Variants in CCSER1 observed in about 807,000 individuals in gnomAD.
CCSER1 encodes the protein serine-rich coiled-coil domain-containing protein 1.
In CCSER1, 41 loss-of-function variants were observed where a neutral mutation model predicts 82.0. The observed-to-expected ratio is 0.50, with a 90% confidence interval of 0.39 to 0.65. The LOEUF (loss-of-function observed/expected upper bound fraction) is 0.65, where lower values mean the gene tolerates loss of function less well. Among genes scored for constraint, CCSER1 ranks in the 30% least tolerant of loss-of-function variants. CCSER1 has a pLI of 0.00. For missense variants in CCSER1, 1,119 were observed against 1,064.2 expected, an observed-to-expected ratio of 1.05 and a Z score of -0.72; for synonymous variants, 414 against 383.9, an observed-to-expected ratio of 1.08 and a Z score of -0.92.
chr4:90,727,218 T>C (rs539713073), intron 7 of CCSER1: 45 of 455,794 alleles, frequency 9.9e-5, no homozygotes, highest in African/African-American at 7.8e-4. Context: ...TTCAGCATTA[T>C]ATCAACTGTA....
At chr4:90,144,824 G>A (rs1220746292) in intron 1 of CCSER1, among the ~76,000 whole-genome samples, 1 of 151,980 alleles carries the variant, frequency 6.6e-6, no homozygotes, top group African/African-American at 2.4e-5. Context: ...CTCTTTGTGA[G>A]TTCAAATGCC....
intron 10 of CCSER1, among the ~76,000 whole-genome samples, chr4:91,333,634 T>C (rs1230368515): frequency 6.6e-6 from 1 of 152,076 alleles, no homozygotes; most frequent in African/African-American, 2.4e-5. Context: ...GGCTGTAATA[T>C]ACAATCACAA....
At chr4:91,037,114 A>T (rs1741499260) in intron 9 of CCSER1, among the ~76,000 whole-genome samples, 1 of 152,038 alleles carries the variant, frequency 6.6e-6, no homozygotes, top group South Asian at 2.1e-4. Context: ...GTTGGAAAAT[A>T]AACTGATGCC....
intron 5 of CCSER1, among the ~76,000 whole-genome samples, chr4:90,512,306 G>C (rs1006510277): frequency 4.3e-5 from 6 of 138,288 alleles, no homozygotes; most frequent in Non-Finnish European, 7.7e-5. Context: ...TGAATTCCAA[G>C]CAAAAAAAAA....
intron 10 of CCSER1, among the ~76,000 whole-genome samples, chr4:91,183,047 T>G (rs1042166964): frequency 3.3e-5 from 5 of 152,240 alleles, no homozygotes; most frequent in African/African-American, 9.6e-5. Flanking sequence ...GTCAGCCTTT[T>G]GAATCCCTTT....
intron 1 of CCSER1, among the ~76,000 whole-genome samples, chr4:90,187,662 T>C (rs1299049883): frequency 6.6e-6 from 1 of 151,952 alleles, no homozygotes; most frequent in East Asian, 1.9e-4. Context: ...TTTGCTATTT[T>C]AAAAAATGTC....
At chr4:91,184,123 G>T (rs760925689) in intron 10 of CCSER1, among the ~76,000 whole-genome samples, 2 of 152,142 alleles carry the variant, frequency 1.3e-5, no homozygotes, top group Non-Finnish European at 2.9e-5. Context: ...CATAACATTG[G>T]AGTAATATTT....
intron 3 of CCSER1, among the ~76,000 whole-genome samples, chr4:90,353,931 A>G (rs1743957273): frequency 6.6e-6 from 1 of 152,200 alleles, no homozygotes; most frequent in Admixed American, 6.5e-5. Flanking sequence ...CCTACTTCTG[A>G]CTGTATATCT....
chr4:90,418,717 T>C (rs17016982), intron 4 of CCSER1, among the ~76,000 whole-genome samples: 2,737 of 152,140 alleles, frequency 0.018, 83 homozygotes, highest in African/African-American at 0.063. Flanking sequence ...GAAGCATTTG[T>C]TTTAAACTGA....
chr4:90,703,161 T>A (rs1182586846), intron 6 of CCSER1, among the ~76,000 whole-genome samples: 1 of 152,240 alleles, frequency 6.6e-6, no homozygotes, highest in Non-Finnish European at 1.5e-5. Context: ...CCACATATTC[T>A]ATTATGCTGT....
chr4:90,426,647 T>C (rs985178661), intron 4 of CCSER1, among the ~76,000 whole-genome samples: 1 of 152,294 alleles, frequency 6.6e-6, no homozygotes, highest in South Asian at 2.1e-4. Flanking sequence ...TGTCTGTTTT[T>C]TCTTAAATAG....
At chr4:91,349,064 T>C (rs1407635593) in intron 10 of CCSER1, among the ~76,000 whole-genome samples, 2 of 152,012 alleles carry the variant, frequency 1.3e-5, no homozygotes, top group African/African-American at 4.8e-5. Context: ...ACCGCCACCG[T>C]GCCCGGCTAA....
At chr4:90,608,965 G>A (rs1464853483) in intron 5 of CCSER1, among the ~76,000 whole-genome samples, 2 of 150,968 alleles carry the variant, frequency 1.3e-5, no homozygotes, top group Admixed American at 1.3e-4. Flanking sequence ...TTTCTCTATG[G>A]GATTCTCTCC....
chr4:90,206,746 C>T (rs1738914531), intron 1 of CCSER1, among the ~76,000 whole-genome samples: 1 of 135,482 alleles, frequency 7.4e-6, no homozygotes, highest in African/African-American at 3.1e-5. Context: ...TCCTGAATAT[C>T]CTTGTTAATT....
intron 10 of CCSER1, among the ~76,000 whole-genome samples, chr4:91,584,564 A>G (rs1578855327): frequency 6.6e-6 from 1 of 151,644 alleles, no homozygotes; most frequent in East Asian, 1.9e-4. Context: ...AAAATGTTTC[A>G]TCATTTGTTC....
intron 9 of CCSER1, among the ~76,000 whole-genome samples, chr4:90,973,690 C>A (rs1160715012): frequency 6.6e-6 from 1 of 151,554 alleles, no homozygotes; most frequent in East Asian, 1.9e-4. Context: ...ATAAGTACGT[C>A]AAAGAGATAT....
chr4:90,247,422 A>C (rs539522565), intron 1 of CCSER1, among the ~76,000 whole-genome samples: 1 of 152,322 alleles, frequency 6.6e-6, no homozygotes, highest in East Asian at 1.9e-4. Flanking sequence ...AAATATAACA[A>C]GAAAATATAT....
chr4:90,767,058 C>T (rs189126848), intron 7 of CCSER1, among the ~76,000 whole-genome samples: 53 of 152,300 alleles, frequency 3.5e-4, no homozygotes, highest in African/African-American at 1.2e-3. Context: ...ATCTCACATA[C>T]ACCCTGTGTA....
intron 10 of CCSER1, among the ~76,000 whole-genome samples, chr4:91,386,002 A>T (rs1751262328): frequency 6.6e-6 from 1 of 151,920 alleles, no homozygotes; most frequent in Non-Finnish European, 1.5e-5. Context: ...ATGTACACTC[A>T]CACACACAAA....
Sources: allele counts gnomAD v4.1 joint callset (sites outside exome capture counted in the v4.1 genomes callset), GRCh38; gene constraint gnomAD v4.1.1; transcripts MANE v1.5; gene names NCBI Gene and HGNC (gene_info 2026-07-23, HGNC 2026-07-21).